The following ST7 variants were observed in gnomAD, a reference collection of about 807,000 sequenced individuals.
ST7 encodes the protein suppressor of tumorigenicity 7 protein.
ST7 carries 28 observed loss-of-function variants against 78.7 expected under a neutral mutation model. That is an observed-to-expected ratio of 0.36 (90% CI 0.26 to 0.49). The LOEUF (loss-of-function observed/expected upper bound fraction) is 0.49. Among genes scored for constraint, ST7 ranks in the 20% least tolerant of loss-of-function variants. ST7 has a pLI of 0.99. For missense variants in ST7, 418 were observed against 696.0 expected (o/e 0.60, Z 4.49); for synonymous variants, 247 against 249.6 (o/e 0.99, Z 0.10).
intron 2 of ST7, among the ~76,000 whole-genome samples, chr7:117,103,493 A>G (rs186651548): frequency 4.2e-4 from 64 of 152,362 alleles, no homozygotes; most frequent in African/African-American, 1.3e-3. Flanking sequence ...GAGAACGTAC[A>G]TTGGAGAATG....
intron 1 of ST7, among the ~76,000 whole-genome samples, chr7:116,964,550 A>G (rs996774226): frequency 1.3e-4 from 20 of 152,008 alleles, no homozygotes; most frequent in African/African-American, 3.9e-4. Context: ...CAGAATTTCT[A>G]TTTTCTATCA....
chr7:117,053,346 C>T (rs1299819595), intron 1 of ST7, among the ~76,000 whole-genome samples: 1 of 152,192 alleles, frequency 6.6e-6, no homozygotes, highest in African/African-American at 2.4e-5. Flanking sequence ...CAGTGTTTTT[C>T]GATGCTCTCG....
intron 1 of ST7, among the ~76,000 whole-genome samples, chr7:117,068,799 T>C (rs1798769897): frequency 2.0e-5 from 3 of 152,244 alleles, no homozygotes; most frequent in Non-Finnish European, 1.5e-5. Context: ...TGGCACTCAT[T>C]CTCTGTGTAT....
rs117813729 is a variant in ST7 at position 116,977,266 on chromosome 7, G to A, written c.151+23575G>A. ...ACCCCACTAAGTAAGTAAGGTGTAG[G>A]CATTATATTCCAAACTACTCTTTCA... On this transcript the variant is annotated intron_variant, in intron 1 of 15. Coordinates refer to ENST00000323984, the MANE Select transcript of ST7 (RefSeq NM_001369598.1). Among the ~76,000 whole-genome samples, 517 of 152,248 alleles carry A rather than the reference G, an allele frequency of 3.4e-3. 3 individuals are homozygous for A. The highest frequency in any genetic ancestry group is 3.6e-3 in the Non-Finnish European group (244 of 68,016).
chr7:117,066,488 G>A (rs773561760), intron 1 of ST7, among the ~76,000 whole-genome samples: 3 of 152,106 alleles, frequency 2.0e-5, no homozygotes, highest in Non-Finnish European at 2.9e-5. Context: ...TCAGCCAGGC[G>A]TGGTGGCTAA....
chr7:117,104,559 T>C (rs1056120414), intron 2 of ST7, among the ~76,000 whole-genome samples: 2 of 152,224 alleles, frequency 1.3e-5, no homozygotes, highest in Admixed American at 1.3e-4. Context: ...GGAAAACGGA[T>C]GTTTCTCAAA....
chr7:117,023,385 G>A (rs184947423), intron 1 of ST7, among the ~76,000 whole-genome samples: 2 of 152,148 alleles, frequency 1.3e-5, no homozygotes, highest in African/African-American at 4.8e-5. Context: ...GCCTGACACT[G>A]CTTTCATCAA....
At chr7:117,101,896 G>A (rs1285167066) in intron 2 of ST7, among the ~76,000 whole-genome samples, 1 of 152,168 alleles carries the variant, frequency 6.6e-6, no homozygotes, top group African/African-American at 2.4e-5. Flanking sequence ...AACCCAAGTT[G>A]AGGTGAAGCA....
chr7:117,107,859 C>T (rs978486943), intron 2 of ST7, among the ~76,000 whole-genome samples: 4 of 152,002 alleles, frequency 2.6e-5, no homozygotes, highest in Non-Finnish European at 4.4e-5. Flanking sequence ...AGGTGACCCA[C>T]CTGCCTCGGC....
Position 117,119,575 on chromosome 7 carries a change from G to T in ST7, c.249G>T (p.Trp83Cys). ...ISGLILIFEW[W>C]YFRKYGTSFI... ...TTCTGTTCTAGATATTTGAATGGTG[G>T]TATTTTCGCAAATACGGAACTTCAT... The change falls in exon 3 of 16, where the codon TGG (tryptophan) becomes TGT (cysteine). Residue 83 changes from tryptophan to cysteine, a missense_variant. Trp to Cys is a radical substitution (Grantham distance 215, BLOSUM62 -2). This residue lies in a region of ST7 where 23 missense variants were observed against 67.7 expected (regional missense o/e 0.34). Coordinates refer to ENST00000323984, the MANE Select transcript of ST7 (RefSeq NM_001369598.1). 6.2e-7 allele frequency: 1 copy of T among 1,612,146 alleles called. No individual in the cohort carries two copies. The highest frequency in any genetic ancestry group is 1.3e-5 in the African/African-American group (1 of 74,916).
At chr7:116,961,207 C>T (rs1218012052) in intron 1 of ST7, among the ~76,000 whole-genome samples, 5 of 152,174 alleles carry the variant, frequency 3.3e-5, no homozygotes, top group Non-Finnish European at 7.4e-5. Context: ...GTTTTGGTTA[C>T]TGTAGCCCTG....
At chr7:117,009,680 T>C (rs1318138315) in intron 1 of ST7, among the ~76,000 whole-genome samples, 3 of 152,196 alleles carry the variant, frequency 2.0e-5, no homozygotes, top group African/African-American at 7.2e-5. Context: ...GATTAATTGC[T>C]ATATTTTTTT....
intron 1 of ST7, among the ~76,000 whole-genome samples, chr7:117,015,188 A>G (rs545985362): frequency 2.6e-5 from 4 of 152,310 alleles, no homozygotes; most frequent in African/African-American, 9.6e-5. Flanking sequence ...TTAATTTAGG[A>G]TAAGTGCTTA....
At chr7:116,961,555 CGTGTGTGTGTGTGTGT>C (rs35640208) in intron 1 of ST7, among the ~76,000 whole-genome samples, 84 of 138,522 alleles carry the variant, frequency 6.1e-4, no homozygotes, top group Admixed American at 1.0e-3. Flanking sequence ...TGTATTCCTA[CGTGTGTGTGTGTGTGT>C]GTGTGTGTGT....
intron 1 of ST7, chr7:116,972,744 G>T: frequency 1.1e-6 from 1 of 921,554 alleles, no homozygotes; most frequent in Non-Finnish European, 1.8e-6. Context: ...GAACCAGCTG[G>T]ATCCTACGGT....
chr7:116,955,241 T>C (rs991702408), intron 1 of ST7: 1 of 395,350 alleles, frequency 2.5e-6, no homozygotes, highest in Non-Finnish European at 5.1e-6. Flanking sequence ...TACGTATTTG[T>C]TGGTAACAGT....
rs558227911 is a variant in ST7, at chr7:117,066,866, C to T, written c.152-32896C>T. On this transcript the variant is annotated intron_variant, in intron 1 of 15. Coordinates refer to ENST00000323984, the MANE Select transcript of ST7 (RefSeq NM_001369598.1). ...ATCTAATTTTAGAGTATTTTCATCA[C>T]CCCAGAAAGAGACTCTATACCCATT... 2.5e-4 allele frequency among the ~76,000 whole-genome samples: 38 copies of T among 151,934 alleles called. No homozygotes were observed. The South Asian group carries it at 5.0e-3, about 20-fold the overall frequency.
intron 2 of ST7, among the ~76,000 whole-genome samples, chr7:117,110,771 T>G (rs1714384852): frequency 6.6e-6 from 1 of 152,194 alleles, no homozygotes; most frequent in Non-Finnish European, 1.5e-5. Flanking sequence ...CCTTTTTAAC[T>G]CAAAGATGGG....
intron 9 of ST7, among the ~76,000 whole-genome samples, chr7:117,164,799 C>T (rs1807412015): frequency 6.8e-6 from 1 of 147,330 alleles, no homozygotes; most frequent in Non-Finnish European, 1.5e-5. Context: ...AATCATAATC[C>T]CAGCACTAAC....
Sources: gnomAD v4.1 joint callset for allele counts (sites outside exome capture counted in the v4.1 genomes callset) on GRCh38, gnomAD v4.1.1 for gene constraint, gnomAD v4.1.1 regional missense constraint, MANE v1.5 for transcripts, NCBI Gene and HGNC (gene_info 2026-07-23, HGNC 2026-07-21) for gene names.